ARSK: variants seen among roughly 807,000 people sequenced by gnomAD.
ARSK encodes the protein arylsulfatase family member K.
Under a neutral mutation model 53.2 loss-of-function variants are expected in ARSK, and 37 were observed. That is an observed-to-expected ratio of 0.70 (90% CI 0.54 to 0.92). The LOEUF (loss-of-function observed/expected upper bound fraction) is 0.92. ARSK is among the 40% of genes least tolerant of loss of function. The probability of loss-of-function intolerance (pLI) is 0.00; values close to 1 mark genes in which losing one functional copy is unlikely to be tolerated. For synonymous variants in ARSK, 208 were observed against 223.2 expected (o/e 0.93, Z 0.61); for missense variants, 613 against 643.0 (o/e 0.95, Z 0.51).
At position 95,604,520 on chromosome 5, in the gene ARSK, C is replaced by A. The variant is rs1580235679; in HGVS notation, c.*994C>A. 1 of 152,114 alleles carries A rather than the reference C, an allele frequency of 6.6e-6. No homozygotes were observed. Among genetic ancestry groups the A allele is most frequent in the Non-Finnish European group, 1.5e-5 (1 of 67,978 alleles). 9.4% of individuals were successfully genotyped at this position (152,114 alleles called of 1,614,324 possible). A position where few individuals can be genotyped will look rare whatever the true frequency, so the allele number is the denominator to read the frequency against. On this transcript the variant is annotated 3_prime_UTR_variant, in exon 8 of 8. Transcript: ENST00000380009. ...ACGGTAACATACTGCACACATTGTTCTGCATGTTGCTTCTTTTTCCTTTTT... is the reference window on the plus strand; with the variant it reads ...ACGGTAACATACTGCACACATTGTTATGCATGTTGCTTCTTTTTCCTTTTT...
intron 6 of ARSK, among the ~76,000 whole-genome samples, chr5:95,595,278 T>C (rs1749287794): frequency 6.6e-6 from 1 of 152,158 alleles, no homozygotes; most frequent in African/African-American, 2.4e-5. Flanking sequence ...AGTTTGGAGA[T>C]TTCTCAAAGA....
At chr5:95,583,556 C>A (rs1257124125) in intron 4 of ARSK, among the ~76,000 whole-genome samples, 1 of 151,970 alleles carries the variant, frequency 6.6e-6, no homozygotes, top group Non-Finnish European at 1.5e-5. Context: ...GGAAAATGAC[C>A]ATTTTCTGGC....
intron 6 of ARSK, 55 bp downstream of exon 6, chr5:95,591,680 T>G (rs1749219964): frequency 1.2e-5 from 19 of 1,564,842 alleles, no homozygotes; most frequent in Non-Finnish European, 1.7e-5. Flanking sequence ...AGAATGCAAC[T>G]GAAGTTGTCA....
intron 3 of ARSK, among the ~76,000 whole-genome samples, chr5:95,580,469 A>G (rs558311652): frequency 1.3e-5 from 2 of 152,336 alleles, no homozygotes; most frequent in South Asian, 4.1e-4. Flanking sequence ...ATTGGTTAGT[A>G]GAGAGAATTA....
Position 95,566,116 on chromosome 5 carries a change from C to T in ARSK, c.245C>T (p.Pro82Leu). The T allele has an allele frequency of 5.6e-6, 9 of 1,613,350 alleles. No homozygotes were observed. Among genetic ancestry groups the T allele is most frequent in the Non-Finnish European group, 6.8e-6 (8 of 1,179,798 alleles). ...NAYTNSPICC[P>L]SRAAMWSGLF... is the part of the protein sequence containing the mutation. ...TACACAAACTCTCCAATTTGTTGCCCATCACGCGCAGGTATGAACATCCTT... is the reference window on the plus strand; with the variant it reads ...TACACAAACTCTCCAATTTGTTGCCTATCACGCGCAGGTATGAACATCCTT... The change falls in exon 2 of 8, where the codon CCA (proline) becomes CTA (leucine). Residue 82 changes from proline to leucine, a missense_variant. By Grantham distance (98) the Pro-to-Leu change is moderately conservative (BLOSUM62 -3). Transcript: ENST00000380009.
chr5:95,591,300 T>C (rs1208793055), intron 5 of ARSK, 101 bp from the exon 6 acceptor site: 1 of 958,336 alleles, frequency 1.0e-6, no homozygotes, highest in Non-Finnish European at 1.6e-6. Flanking sequence ...TTAAGAAGCA[T>C]AGTGACAAAC....
At chr5:95,586,227 T>G (rs574745497) in intron 4 of ARSK, among the ~76,000 whole-genome samples, 1 of 152,300 alleles carries the variant, frequency 6.6e-6, no homozygotes, top group South Asian at 2.1e-4. Context: ...GAAGTTTTGG[T>G]TACACAACTA....
At chr5:95,575,105 C>A (rs1355887030) in intron 3 of ARSK, among the ~76,000 whole-genome samples, 1 of 152,052 alleles carries the variant, frequency 6.6e-6, no homozygotes, top group Non-Finnish European at 1.5e-5. Context: ...GAGACTGTTC[C>A]TTCCCCAATG....
At chr5:95,561,852 G>T (rs1273273179) in intron 1 of ARSK, among the ~76,000 whole-genome samples, 1 of 152,196 alleles carries the variant, frequency 6.6e-6, no homozygotes, top group East Asian at 1.9e-4. Flanking sequence ...AAAAACCATT[G>T]AATTGTACAC....
Position 95,603,223 on chromosome 5 carries a change from T to A in ARSK, c.1322-14T>A. On this transcript the variant is annotated splice_polypyrimidine_tract_variant and intron_variant, in intron 7 of 7. Transcript: ENST00000380009. ...GGTCACTATTTTGACAGATACTTAT[T>A]TTTTTTCTTTCAGATCTTTCCTCGG... 6.5e-7 allele frequency: 1 copy of A among 1,530,020 alleles called. No individual in the cohort carries two copies. The highest frequency in any genetic ancestry group is 2.0e-4 in the Middle Eastern group (1 of 4,932). The allele number at this position is 1,530,020 out of a possible 1,614,324, so 94.8% of individuals were successfully genotyped here. A position where few individuals can be genotyped will look rare whatever the true frequency, so the allele number is the denominator to read the frequency against.
chr5:95,597,852 C>G (rs1749338748), intron 6 of ARSK, among the ~76,000 whole-genome samples: 1 of 150,496 alleles, frequency 6.6e-6, no homozygotes. Flanking sequence ...CAAGATTGCG[C>G]CACTGCACTC....
Position 95,591,573 on chromosome 5 carries a change from C to T in ARSK, c.1044C>T (p.Gly348=). Residue 348 remains glycine, a synonymous_variant, in exon 6 of 8, where the codon GGC becomes GGT. Coordinates refer to ENST00000380009, the MANE Select transcript of ARSK (RefSeq NM_198150.3). The stretch of plus-strand genomic sequence containing the variant: ...TGATGGGACCAGGAATTAAAGCCGG[C>T]CTACAAGTATCAAATGTGGTTTCTC... ...LLMMGPGIKA[G]LQVSNVVSLV... The T allele has an allele frequency of 6.2e-7, 1 of 1,614,120 alleles. No homozygotes were observed. Among genetic ancestry groups the T allele is most frequent in the Non-Finnish European group, 8.5e-7 (1 of 1,180,012 alleles).
At chr5:95,592,137 T>C (rs1378608321) in intron 6 of ARSK, among the ~76,000 whole-genome samples, 2 of 152,214 alleles carry the variant, frequency 1.3e-5, no homozygotes, top group Non-Finnish European at 2.9e-5. Context: ...CAGTTTTTGT[T>C]GAAGATACTA....
chr5:95,600,627 G>C, intron 6 of ARSK: 1 of 669,194 alleles, frequency 1.5e-6, no homozygotes, highest in Non-Finnish European at 2.7e-6. Flanking sequence ...TCTTACAGAT[G>C]AGAAAACTGA....
At position 95,601,008 on chromosome 5, in the gene ARSK, C is replaced by T. The variant is rs747031061; in HGVS notation, c.1258C>T (p.Arg420Ter). 1.2e-5 allele frequency: 19 copies of T among 1,614,066 alleles called. No homozygotes were observed. The highest frequency in any genetic ancestry group is 3.3e-5 in the South Asian group (3 of 91,080). Residue 420 changes from arginine (R) to a stop codon, truncating the protein, a stop_gained, in exon 7 of 8, where the codon CGA becomes TGA. Transcript: ENST00000380009. LOFTEE classifies it high-confidence loss of function. ...CNVNASTYML[R>*]TNHWKYIAYS... ...TGTGAATGCCTCCACCTACATGCTT[C>T]GAACTAACCACTGGAAATATATAGC...
chr5:95,589,381 C>T (rs1185156704), intron 5 of ARSK, among the ~76,000 whole-genome samples: 1 of 152,098 alleles, frequency 6.6e-6, no homozygotes, highest in Non-Finnish European at 1.5e-5. Context: ...ACCTATCAAC[C>T]CATCACCTAG....
intron 3 of ARSK, among the ~76,000 whole-genome samples, chr5:95,575,220 C>T (rs989797836): frequency 6.6e-6 from 1 of 152,134 alleles, no homozygotes; most frequent in African/African-American, 2.4e-5. Flanking sequence ...GTTTTTATGC[C>T]AGTACCATGC....
At chr5:95,568,500 T>A (rs927930919) in intron 3 of ARSK, among the ~76,000 whole-genome samples, 3 of 151,946 alleles carry the variant, frequency 2.0e-5, no homozygotes, top group African/African-American at 7.3e-5. Flanking sequence ...AGAGTAGAGG[T>A]CAAGAATCAG....
Position 95,586,206 on chromosome 5 carries a change from T to C in ARSK, c.700-356T>C, listed in dbSNP as rs371709338. ...GAGAAAAGGAGTCCGTATTCTGAGG[T>C]TGTTGATTCTGAAGTTTTGGTTACA... is the stretch of plus-strand genomic sequence containing the variant. On this transcript the variant is annotated intron_variant, in intron 4 of 7. Coordinates refer to ENST00000380009, the MANE Select transcript of ARSK (RefSeq NM_198150.3). Among the ~76,000 whole-genome samples the C allele has an allele frequency of 2.1e-4, 32 of 152,292 alleles. No homozygotes were observed. The South Asian group carries it at 6.0e-3, about 29-fold the overall frequency.
Sources: allele counts gnomAD v4.1 joint callset (sites outside exome capture counted in the v4.1 genomes callset), GRCh38; gene constraint gnomAD v4.1.1; transcripts MANE v1.5; gene names NCBI Gene and HGNC (gene_info 2026-07-23, HGNC 2026-07-21).